Variants in ZEB1 observed in about 807,000 individuals in gnomAD.
ZEB1 encodes zinc finger E-box-binding homeobox 1.
In ZEB1, 21 loss-of-function variants were observed where a neutral mutation model predicts 84.9. The observed-to-expected ratio is 0.25, with a 90% CI of 0.18 to 0.36. The LOEUF is 0.36. Ranked by LOEUF, ZEB1 falls within the 10% of genes least tolerant of loss-of-function variation. The probability of loss-of-function intolerance (pLI) is 1.00; values close to 1 mark genes in which losing one functional copy is unlikely to be tolerated. For synonymous variants in ZEB1, 420 were observed against 471.1 expected (o/e 0.89, Z 1.41); for missense variants, 1,104 against 1,330.2 (o/e 0.83, Z 2.65).
At chr10:31,443,270 T>TCATA (rs1294568787) in intron 1 of ZEB1, among the ~76,000 whole-genome samples, 1 of 152,234 alleles carries the variant, frequency 6.6e-6, no homozygotes, top group East Asian at 1.9e-4. Flanking sequence ...CAGCCTTTAG[T>TCATA]CATATGTGTT....
intron 1 of ZEB1, chr10:31,358,097 G>A (rs2042401639): frequency 6.6e-6 from 1 of 152,148 alleles, no homozygotes; most frequent in African/African-American, 2.4e-5. Flanking sequence ...TGGCAAAAGG[G>A]ATGAGCTTAC....
At chr10:31,493,655 C>T (rs2066850304) in intron 2 of ZEB1, among the ~76,000 whole-genome samples, 1 of 151,980 alleles carries the variant, frequency 6.6e-6, no homozygotes, top group African/African-American at 2.4e-5. Context: ...CAGACACACT[C>T]ATGCTAGTCC....
chr10:31,397,193 T>C (rs1427469655), intron 1 of ZEB1, among the ~76,000 whole-genome samples: 3 of 145,992 alleles, frequency 2.1e-5, no homozygotes, highest in African/African-American at 7.5e-5. Flanking sequence ...ATTATTATTA[T>C]TATTATTATA....
chr10:31,480,004 T>C (rs556164387), intron 2 of ZEB1, among the ~76,000 whole-genome samples: 14 of 152,140 alleles, frequency 9.2e-5, no homozygotes, highest in African/African-American at 3.1e-4. Flanking sequence ...AGTTAAACTT[T>C]TTAAGTATAA....
rs559121671 is a variant in ZEB1, at chr10:31,407,158, A to C, written c.59-53879A>C. Among the ~76,000 whole-genome samples the C allele has an allele frequency of 2.6e-4, 39 of 151,640 alleles. No homozygotes were observed. The South Asian group carries it at 6.5e-3, about 25-fold the overall frequency. ...TGTGCACAATGTGCAGGTTAGTTAC[A>C]TATGTATACATGTGCCATGCTGGTG... On this transcript the variant is annotated intron_variant, in intron 1 of 8. Transcript: ENST00000424869.
At chr10:31,463,372 A>T (rs192197475) in intron 2 of ZEB1, among the ~76,000 whole-genome samples, 1 of 152,344 alleles carries the variant, frequency 6.6e-6, no homozygotes, top group East Asian at 1.9e-4. Flanking sequence ...AGAGCTAAGT[A>T]AGACACTACC....
chr10:31,435,321 A>T (rs2058157077), intron 1 of ZEB1, among the ~76,000 whole-genome samples: 1 of 152,246 alleles, frequency 6.6e-6, no homozygotes, highest in Non-Finnish European at 1.5e-5. Flanking sequence ...TAGTCCAGTG[A>T]GACCCATATT....
chr10:31,468,871 T>C (rs2062787166), intron 2 of ZEB1, among the ~76,000 whole-genome samples: 1 of 152,006 alleles, frequency 6.6e-6, no homozygotes, highest in South Asian at 2.1e-4. Flanking sequence ...CAGGAAGAAA[T>C]AGAATGTTGT....
chr10:31,322,465 G>C (rs1438539380), intron 1 of ZEB1, among the ~76,000 whole-genome samples: 2 of 152,198 alleles, frequency 1.3e-5, no homozygotes, highest in Non-Finnish European at 2.9e-5. Context: ...TTGCTGCTAA[G>C]CCTTCTGTAA....
At chr10:31,469,949 G>T (rs917371918) in intron 2 of ZEB1, among the ~76,000 whole-genome samples, 6 of 152,148 alleles carry the variant, frequency 3.9e-5, no homozygotes, top group Non-Finnish European at 8.8e-5. Context: ...CCCAGCAGGG[G>T]CACACTGACA....
At chr10:31,525,045 T>C (rs2073162633) in intron 8 of ZEB1, among the ~76,000 whole-genome samples, 1 of 152,254 alleles carries the variant, frequency 6.6e-6, no homozygotes, top group African/African-American at 2.4e-5. Context: ...TTTTTGATTT[T>C]GTTTTTACAT....
chr10:31,409,351 A>T (rs1355489407), intron 1 of ZEB1, among the ~76,000 whole-genome samples: 1 of 152,022 alleles, frequency 6.6e-6, no homozygotes, highest in Non-Finnish European at 1.5e-5. Context: ...TTCCTCAGGG[A>T]TCTAGAACTA....
At chr10:31,413,894 A>T (rs1374641960) in intron 1 of ZEB1, among the ~76,000 whole-genome samples, 2 of 152,132 alleles carry the variant, frequency 1.3e-5, no homozygotes, top group Non-Finnish European at 2.9e-5. Context: ...TTTCTAACTG[A>T]CCCTAAACAG....
chr10:31,523,859 C>T (rs1363802461), intron 7 of ZEB1, 74 bp from the exon 8 acceptor site: 46 of 1,522,358 alleles, frequency 3.0e-5, no homozygotes, highest in Non-Finnish European at 4.0e-5. Flanking sequence ...AGTTCTTTAT[C>T]TCATGCTTTT....
At chr10:31,480,065 CAT>C (rs923423211) in intron 2 of ZEB1, among the ~76,000 whole-genome samples, 4 of 151,888 alleles carry the variant, frequency 2.6e-5, no homozygotes, top group African/African-American at 9.7e-5. Flanking sequence ...GTTTTTAAAA[CAT>C]ATATAAAACT....
At position 31,378,877 on chromosome 10, in the gene ZEB1, T is replaced by A. The variant is rs116772563; in HGVS notation, c.58+59585T>A. Reference sequence around the variant, plus strand: ...GTGCAGGTGGTAGATACACAAGGGATATAAGAAAGTCTTTCTAGTTCAAAT... The same window carrying A: ...GTGCAGGTGGTAGATACACAAGGGAAATAAGAAAGTCTTTCTAGTTCAAAT... On this transcript the variant is annotated intron_variant, in intron 1 of 8. Coordinates refer to ENST00000424869, the MANE Select transcript of ZEB1 (RefSeq NM_001174096.2). Among the ~76,000 whole-genome samples, 1,247 of 152,094 alleles carry A rather than the reference T, an allele frequency of 8.2e-3. 14 individuals are homozygous for A. The highest frequency in any genetic ancestry group is 0.028 in the African/African-American group (1,142 of 41,514).
intron 1 of ZEB1, among the ~76,000 whole-genome samples, chr10:31,443,828 T>A (rs2059381663): frequency 1.3e-5 from 2 of 151,208 alleles, no homozygotes. Context: ...GACATTTGGG[T>A]TGGCTCCAAG....
rs769512325 is a variant in ZEB1, at chr10:31,339,952, TA to T, written c.58+20661del. ...GAGGTCATATAATATATGGTATTTT[TA>T]TGTTATTTTAGATAAATCCATATCA... is the stretch of plus-strand genomic sequence containing the variant. On this transcript the variant is annotated intron_variant, in intron 1 of 8. Transcript: ENST00000424869. Among the ~76,000 whole-genome samples, 135 of 152,230 alleles carry T rather than the reference TA, an allele frequency of 8.9e-4. 3 individuals are homozygous for T. Among genetic ancestry groups the T allele is most frequent in the Non-Finnish European group, 1.0e-4 (7 of 68,022 alleles).
At chr10:31,472,047 G>A (rs1384726991) in intron 2 of ZEB1, among the ~76,000 whole-genome samples, 1 of 149,128 alleles carries the variant, frequency 6.7e-6, no homozygotes, top group Non-Finnish European at 1.5e-5. Flanking sequence ...GAATCTCTGG[G>A]ACACATTCAA....
Sources: allele counts gnomAD v4.1 joint callset (sites outside exome capture counted in the v4.1 genomes callset), GRCh38; gene constraint gnomAD v4.1.1; transcripts MANE v1.5; gene names NCBI Gene and HGNC (gene_info 2026-07-23, HGNC 2026-07-21).